The following CAMKK1 variants were observed in gnomAD, a reference collection of about 807,000 sequenced individuals.
CAMKK1 encodes the protein calcium/calmodulin-dependent protein kinase kinase 1.
CAMKK1 carries 20 observed loss-of-function variants against 63.5 expected under a neutral mutation model. That is an observed-to-expected ratio of 0.32 (90% CI 0.22 to 0.46). CAMKK1 has a LOEUF of 0.46. Among genes scored for constraint, CAMKK1 ranks in the 20% least tolerant of loss-of-function variants. The pLI, the probability that CAMKK1 is intolerant of heterozygous loss-of-function variation, is 1.00. For missense variants in CAMKK1, 588 were observed against 658.1 expected, an observed-to-expected ratio of 0.89 and a Z score of 1.17; for synonymous variants, 253 against 269.0, an observed-to-expected ratio of 0.94 and a Z score of 0.58.
Position 3,882,083 on chromosome 17 carries a change from A to C in CAMKK1, c.686-435T>G. ...ACCAGACACAAGGAACTAAAATAAT[A>C]ACATTACTATTAACAAGGATAATAA... On this transcript the variant is annotated intron_variant, in intron 7 of 15. Coordinates refer to ENST00000348335, the MANE Select transcript of CAMKK1 (RefSeq NM_032294.3). This position sits in a 1 kb window ranked among gnomAD's most constrained non-coding sequence, Gnocchi z 4.3. 1 of 569,198 alleles carries C rather than the reference A, an allele frequency of 1.8e-6. No homozygotes were observed. 35.3% of individuals were successfully genotyped at this position (569,198 alleles called of 1,614,324 possible). A position where few individuals can be genotyped will look rare whatever the true frequency, so the allele number is the denominator to read the frequency against.
chr17:3,889,598 T>G lies in CAMKK1; in HGVS notation c.-44+3341A>C, dbSNP rs1462326155. ...AATGAGGTGTGGACACAGGAGTAGT[T>G]TGTGCCACAGCACTGTGGGGCTGGG... On this transcript the variant is annotated intron_variant, in intron 1 of 15. Transcript: ENST00000348335. The surrounding 1 kb of genome is among the most constrained non-coding windows in gnomAD (Gnocchi z 5.2). Among the ~76,000 whole-genome samples the G allele has an allele frequency of 6.6e-6, 1 of 152,088 alleles. No individual in the cohort carries two copies. The highest frequency in any genetic ancestry group is 1.9e-4 in the East Asian group (1 of 5,194).
chr17:3,863,623 C>T (rs993625266), intron 15 of CAMKK1, among the ~76,000 whole-genome samples: 2 of 152,214 alleles, frequency 1.3e-5, no homozygotes, highest in Non-Finnish European at 2.9e-5. Context: ...CCTGTAATCA[C>T]CTGGCACTTT....
At chr17:3,875,287 C>T (rs1156937077) in intron 10 of CAMKK1, among the ~76,000 whole-genome samples, 3 of 152,030 alleles carry the variant, frequency 2.0e-5, no homozygotes, top group African/African-American at 4.8e-5. Flanking sequence ...TCAACATCCC[C>T]AACGTCTTTC....
intron 15 of CAMKK1, among the ~76,000 whole-genome samples, chr17:3,864,816 G>C (rs1288537588): frequency 1.3e-5 from 2 of 152,206 alleles, no homozygotes; most frequent in East Asian, 1.9e-4. Flanking sequence ...CTCCAGCAGG[G>C]AGCAGATGTC....
At position 3,880,327 on chromosome 17, in the gene CAMKK1, C is replaced by T. The variant is rs753981187; in HGVS notation, c.796+19G>A. The T allele has an allele frequency of 5.0e-6, 8 of 1,610,510 alleles. No homozygotes were observed. The South Asian group carries it at 8.8e-5, about 18-fold the overall frequency. ...ATCCCCTAGCCCCAGCCCCAGTGGG[C>T]AAGCTGCCCCGCACTCACAGTACTC... is the stretch of plus-strand genomic sequence containing the variant. On this transcript the variant is annotated intron_variant, in intron 9 of 15. Coordinates refer to ENST00000348335, the MANE Select transcript of CAMKK1 (RefSeq NM_032294.3).
chr17:3,882,067 A>G lies in CAMKK1; in HGVS notation c.686-419T>C. The stretch of plus-strand genomic sequence containing the variant: ...CTAAGCCCAGCCCTGAACCAGACAC[A>G]AGGAACTAAAATAATAACATTACTA... On this transcript the variant is annotated intron_variant, in intron 7 of 15. Transcript: ENST00000348335. The surrounding 1 kb of genome is among the most constrained non-coding windows in gnomAD (Gnocchi z 4.3). 1.8e-6 allele frequency: 1 copy of G among 556,344 alleles called. No homozygotes were observed. Among genetic ancestry groups the G allele is most frequent in the South Asian group, 2.5e-5 (1 of 40,612 alleles). 34.5% of individuals were successfully genotyped at this position (556,344 alleles called of 1,614,324 possible).
chr17:3,880,420 A>G lies in CAMKK1; in HGVS notation c.722T>C (p.Val241Ala), dbSNP rs1567628794. The change falls in exon 9 of 16, where the codon GTG (valine) becomes GCG (alanine). Residue 241 changes from valine to alanine, a missense_variant. Physicochemically the swap from Val to Ala is moderately conservative, Grantham distance 64. Around this residue, in one of 3 missense-constraint regions of CAMKK1, gnomAD observed 357 missense variants for 407.4 expected, o/e 0.88. Transcript: ENST00000348335. ...CTCCGAGAAGGGCTTGTCACAGGGCACTTCCATGACGGGCCTATGGAGAAG... is the reference window on the plus strand; with the variant it reads ...CTCCGAGAAGGGCTTGTCACAGGGCGCTTCCATGACGGGCCTATGGAGAAG... Reference protein sequence around the residue: ...DLLRKGPVMEVPCDKPFSEEQ... With the variant: ...DLLRKGPVMEAPCDKPFSEEQ... 1.2e-6 allele frequency: 2 copies of G among 1,613,618 alleles called. No individual in the cohort carries two copies. The highest frequency in any genetic ancestry group is 1.7e-6 in the Non-Finnish European group (2 of 1,179,882).
chr17:3,890,671 C>A lies in CAMKK1; in HGVS notation c.-44+2268G>T, dbSNP rs1232430256. 3.8e-6 allele frequency: 3 copies of A among 779,682 alleles called. No homozygotes were observed. Among genetic ancestry groups the A allele is most frequent in the African/African-American group, 3.4e-5 (2 of 59,124 alleles). 48.3% of individuals were successfully genotyped at this position (779,682 alleles called of 1,614,324 possible). On this transcript the variant is annotated intron_variant, in intron 1 of 15. Coordinates refer to ENST00000348335, the MANE Select transcript of CAMKK1 (RefSeq NM_032294.3). This position sits in a 1 kb window ranked among gnomAD's most constrained non-coding sequence, Gnocchi z 6.5. Reference sequence around the variant, plus strand: ...GTCCTTTCCCTGTTGCCCACCCTTGCTCCCCACAACCCCACACTTACTCTC... The same window carrying A: ...GTCCTTTCCCTGTTGCCCACCCTTGATCCCCACAACCCCACACTTACTCTC...
chr17:3,865,346 T>G, intron 15 of CAMKK1: 6 of 987,742 alleles, frequency 6.1e-6, no homozygotes, highest in Non-Finnish European at 7.2e-6. Context: ...CTGTCCCTGC[T>G]TACTCACTGA....
intron 12 of CAMKK1, among the ~76,000 whole-genome samples, chr17:3,872,314 C>A (rs1375059370): frequency 6.6e-6 from 1 of 152,160 alleles, no homozygotes; most frequent in Non-Finnish European, 1.5e-5. Flanking sequence ...GTGAATGATG[C>A]CTGTGGTCAT....
intron 15 of CAMKK1, among the ~76,000 whole-genome samples, chr17:3,863,149 G>T (rs2054384704): frequency 6.6e-6 from 1 of 152,104 alleles, no homozygotes; most frequent in Non-Finnish European, 1.5e-5. Flanking sequence ...TCTTTAAAAA[G>T]GACCAACTCC....
intron 1 of CAMKK1, among the ~76,000 whole-genome samples, chr17:3,886,778 G>A (rs1360021256): frequency 6.6e-6 from 1 of 152,040 alleles, no homozygotes; most frequent in Non-Finnish European, 1.5e-5. Flanking sequence ...CCATGACCCT[G>A]GGCTACATCC....
In CAMKK1 at chr17:3,866,134, C is replaced by T. The variant is rs1399817792; in HGVS notation, c.1342-123G>A. 18 of 1,178,382 alleles carry T rather than the reference C, an allele frequency of 1.5e-5. No individual in the cohort carries two copies. In the East Asian group the frequency reaches 4.4e-4, roughly 29 times the overall value. The allele number at this position is 1,178,382 out of a possible 1,614,324, so 73.0% of individuals were successfully genotyped here. ...AGTGCGGGTCCCATCTCAATCAGCACAGCATGAAATGGCAGAGGCAAGAAC... is the reference window on the plus strand; with the variant it reads ...AGTGCGGGTCCCATCTCAATCAGCATAGCATGAAATGGCAGAGGCAAGAAC... On this transcript the variant is annotated intron_variant, in intron 14 of 15. Coordinates refer to ENST00000348335, the MANE Select transcript of CAMKK1 (RefSeq NM_032294.3).
intron 1 of CAMKK1, among the ~76,000 whole-genome samples, chr17:3,891,217 G>A (rs2055890895): frequency 6.6e-6 from 1 of 152,098 alleles, no homozygotes; most frequent in Non-Finnish European, 1.5e-5. Context: ...GCAAGCCTGT[G>A]TGGGGAGATA....
At position 3,867,936 on chromosome 17, in the gene CAMKK1, G is replaced by A. The variant is rs192620018; in HGVS notation, c.1341+1551C>T. Among the ~76,000 whole-genome samples the A allele has an allele frequency of 2.5e-3, 381 of 152,266 alleles. 2 individuals carry two copies. The highest frequency in any genetic ancestry group is 8.5e-3 in the African/African-American group (352 of 41,522). ...AAACCGAAATGTGAGCGGGCACTAG[G>A]GGAGACACAGGCACTGTCTAATGGA... On this transcript the variant is annotated intron_variant, in intron 14 of 15. Coordinates refer to ENST00000348335, the MANE Select transcript of CAMKK1 (RefSeq NM_032294.3).
intron 15 of CAMKK1, among the ~76,000 whole-genome samples, chr17:3,864,501 C>T (rs1248286002): frequency 1.3e-5 from 2 of 152,358 alleles, no homozygotes; most frequent in East Asian, 3.9e-4. Context: ...CCGCCTCGGC[C>T]TCCCAAAGTG....
chr17:3,871,038 A>G (rs1340196845), intron 12 of CAMKK1, among the ~76,000 whole-genome samples: 1 of 152,178 alleles, frequency 6.6e-6, no homozygotes, highest in Non-Finnish European at 1.5e-5. Flanking sequence ...GACAAACTTC[A>G]GGCAAGAGAT....
chr17:3,875,622 C>T (rs1280251129), intron 10 of CAMKK1, among the ~76,000 whole-genome samples: 1 of 152,172 alleles, frequency 6.6e-6, no homozygotes, highest in Non-Finnish European at 1.5e-5. Flanking sequence ...TGTCCAAATG[C>T]CTCTCACCCA....
intron 8 of CAMKK1, 39 bp from the exon 9 acceptor site, chr17:3,880,473 TC>T (rs1229523549): frequency 3.6e-5 from 56 of 1,551,016 alleles, no homozygotes; most frequent in Non-Finnish European, 4.9e-5. Flanking sequence ...TCAGCTGAAA[TC>T]AGGGCACCCG....
Sources: allele counts gnomAD v4.1 joint callset (sites outside exome capture counted in the v4.1 genomes callset), GRCh38; gene constraint gnomAD v4.1.1; regional missense constraint gnomAD v4.1.1; non-coding constraint Gnocchi (gnomAD v3.1); transcripts MANE v1.5; gene names NCBI Gene and HGNC (gene_info 2026-07-23, HGNC 2026-07-21).